MBNL1: variants seen among roughly 807,000 people sequenced by gnomAD.
The protein encoded by MBNL1 is muscleblind like splicing regulator 1, also known as muscleblind-like protein 1.
A neutral mutation model predicts 42.2 loss-of-function variants in MBNL1; 8 were observed. The ratio of observed to expected loss-of-function variants is 0.19; its 90% CI spans 0.11 to 0.34. The LOEUF (loss-of-function observed/expected upper bound fraction) is 0.34. Ranked by LOEUF, MBNL1 falls within the 10% of genes least tolerant of loss-of-function variation. The pLI, the probability that MBNL1 is intolerant of heterozygous loss-of-function variation, is 1.00. For synonymous variants in MBNL1, 169 were observed against 173.9 expected, an observed-to-expected ratio of 0.97 and a Z score of 0.22; for missense variants, 309 against 495.3, an observed-to-expected ratio of 0.62 and a Z score of 3.57.
intron 2 of MBNL1, among the ~76,000 whole-genome samples, chr3:152,253,783 C>A (rs879364938): frequency 2.6e-5 from 4 of 152,076 alleles, no homozygotes; most frequent in Non-Finnish European, 5.9e-5. Flanking sequence ...ATTTGGGTCT[C>A]TTCTCAAACA....
At chr3:152,375,963 T>G (rs1381447554) in intron 2 of MBNL1, among the ~76,000 whole-genome samples, 1 of 152,230 alleles carries the variant, frequency 6.6e-6, no homozygotes, top group Non-Finnish European at 1.5e-5. Context: ...GATTTTGAGA[T>G]GCAATGTTAG....
chr3:152,264,926 A>G (rs1050641992), upstream of MBNL1: 2 of 152,038 alleles, frequency 1.3e-5, no homozygotes, highest in African/African-American at 4.8e-5. Flanking sequence ...AAATATATAC[A>G]TAGTATCTAT....
chr3:152,258,890 T>C (rs1307236795), intron 2 of MBNL1, among the ~76,000 whole-genome samples: 4 of 152,138 alleles, frequency 2.6e-5, no homozygotes, highest in African/African-American at 9.7e-5. Context: ...AGTTCAAGAG[T>C]AATCAAGAAA....
chr3:152,265,732 C>T (rs971603283), upstream of MBNL1: 6 of 152,134 alleles, frequency 3.9e-5, no homozygotes, highest in African/African-American at 1.4e-4. Flanking sequence ...TTTCCTTTAT[C>T]TGAAAATGTA....
intron 2 of MBNL1, among the ~76,000 whole-genome samples, chr3:152,360,138 C>T (rs1321919674): frequency 5.9e-5 from 9 of 152,138 alleles, no homozygotes; most frequent in African/African-American, 2.2e-4. Context: ...CTTGTTCTGT[C>T]ACTTTTTTAG....
chr3:152,403,991 G>A (rs912987031), intron 2 of MBNL1, among the ~76,000 whole-genome samples: 1 of 152,210 alleles, frequency 6.6e-6, no homozygotes, highest in African/African-American at 2.4e-5. Context: ...GTGGTCAGCA[G>A]TGGTGAGAAC....
At position 152,376,844 on chromosome 3, in the gene MBNL1, T is replaced by A. The variant is rs577113659; in HGVS notation, c.175-38097T>A. Among the ~76,000 whole-genome samples the A allele has an allele frequency of 2.4e-4, 36 of 152,230 alleles. No individual in the cohort carries two copies. In the South Asian group the frequency reaches 7.0e-3, roughly 30 times the overall value. ...CACACACACATACATATATATCTCT[T>A]CTTGGGGAAAATGGGTCTCGCTGCT... is the stretch of plus-strand genomic sequence containing the variant. On this transcript the variant is annotated intron_variant, in intron 2 of 9. Coordinates refer to ENST00000324210, the MANE Select transcript of MBNL1 (RefSeq NM_021038.5).
rs202021492 is a variant in MBNL1 at position 152,455,564 on chromosome 3, C to T, written c.984C>T (p.Pro328=). The part of the protein sequence containing the change: ...LPPGSILCMT[P]ATSVVPMVHG... ...CAGGCTCAATATTGTGCATGACACC[C>T]GCTACAAGTGTTGGTAGGTGCCAGC... The change falls in exon 7 of 10, where the codon CCC becomes CCT. Residue 328 remains proline (P), a synonymous_variant. Transcript: ENST00000324210. 4.9e-5 allele frequency: 79 copies of T among 1,613,420 alleles called. No homozygotes were observed. Among genetic ancestry groups the T allele is most frequent in the African/African-American group, 1.5e-4 (11 of 74,904 alleles).
intron 1 of MBNL1, among the ~76,000 whole-genome samples, chr3:152,292,965 T>C (rs1189704659): frequency 6.6e-6 from 1 of 152,030 alleles, no homozygotes; most frequent in Non-Finnish European, 1.5e-5. Flanking sequence ...TATAGGGTCC[T>C]ACTATGTTGT....
chr3:152,378,763 G>A (rs1338375220), intron 2 of MBNL1, among the ~76,000 whole-genome samples: 2 of 152,064 alleles, frequency 1.3e-5, no homozygotes, highest in African/African-American at 4.8e-5. Flanking sequence ...GCTGCCCAGG[G>A]TGGGATACAA....
intron 2 of MBNL1, among the ~76,000 whole-genome samples, chr3:152,377,254 C>G (rs1156283094): frequency 6.6e-6 from 1 of 152,080 alleles, no homozygotes; most frequent in African/African-American, 2.4e-5. Context: ...TGGCCTGGTC[C>G]TTGTTTTTAT....
intron 2 of MBNL1, among the ~76,000 whole-genome samples, chr3:152,368,078 C>G (rs1448163533): frequency 6.6e-6 from 1 of 151,896 alleles, no homozygotes; most frequent in Non-Finnish European, 1.5e-5. Context: ...GTCATGAAGT[C>G]TTTGCCCATG....
chr3:152,376,385 G>A (rs1324329887), intron 2 of MBNL1, among the ~76,000 whole-genome samples: 1 of 152,058 alleles, frequency 6.6e-6, no homozygotes, highest in Non-Finnish European at 1.5e-5. Flanking sequence ...TATCTCCATT[G>A]TTTTAATCTT....
chr3:152,327,962 T>G (rs2081505696), intron 2 of MBNL1, among the ~76,000 whole-genome samples: 1 of 152,072 alleles, frequency 6.6e-6, no homozygotes, highest in African/African-American at 2.4e-5. Context: ...AACAAGGAAG[T>G]TTTTATTAAT....
intron 2 of MBNL1, among the ~76,000 whole-genome samples, chr3:152,373,525 A>T (rs2096769611): frequency 6.6e-6 from 1 of 152,020 alleles, no homozygotes; most frequent in African/African-American, 2.4e-5. Context: ...ACCATTCCTC[A>T]TTGCACAGTC....
chr3:152,459,919 T>TACTTCATCCCATGCACC (rs370049783), intron 9 of MBNL1, among the ~76,000 whole-genome samples: 30,329 of 151,266 alleles, frequency 0.2, 3,265 homozygotes, highest in South Asian at 0.28. Context: ...GACCATGTAC[T>TACTTCATCCCATGCACC]TACTTCATCC....
chr3:152,280,052 T>TA (rs2047523081), intron 1 of MBNL1, among the ~76,000 whole-genome samples: 1 of 152,116 alleles, frequency 6.6e-6, no homozygotes, highest in Non-Finnish European at 1.5e-5. Flanking sequence ...TTTATTTATA[T>TA]AAAATGAAAG....
chr3:152,455,448 G>A (rs1731802118), intron 6 of MBNL1, 94 bp from the exon 7 acceptor site: 1 of 1,020,178 alleles, frequency 9.8e-7, no homozygotes, highest in Non-Finnish European at 1.5e-6. Context: ...TTTCTTCTTT[G>A]TTCAAATGAA....
intron 2 of MBNL1, among the ~76,000 whole-genome samples, chr3:152,359,120 A>G (rs2095749784): frequency 1.3e-5 from 2 of 152,320 alleles, no homozygotes; most frequent in Non-Finnish European, 2.9e-5. Context: ...TGCCTATTAT[A>G]TTATTTGAGT....
Sources: gnomAD v4.1 joint callset for allele counts (sites outside exome capture counted in the v4.1 genomes callset) on GRCh38, gnomAD v4.1.1 for gene constraint, MANE v1.5 for transcripts, NCBI Gene and HGNC (gene_info 2026-07-23, HGNC 2026-07-21) for gene names.